Variants in CELF2 observed in about 807,000 individuals in gnomAD.
CELF2 encodes the protein CUG triplet repeat RNA-binding protein 2.
A neutral mutation model predicts 62.6 loss-of-function variants in CELF2; 8 were observed. That is an observed-to-expected ratio of 0.13 (90% CI 0.07 to 0.23). The LOEUF (loss-of-function observed/expected upper bound fraction) is 0.23. Among genes scored for constraint, CELF2 ranks in the 10% least tolerant of loss-of-function variants. The pLI is 1.00. For missense variants in CELF2, 333 were observed against 671.0 expected, an observed-to-expected ratio of 0.50 and a Z score of 5.56; for synonymous variants, 258 against 250.0, an observed-to-expected ratio of 1.03 and a Z score of -0.30.
the CELF2 span, among the ~76,000 whole-genome samples, chr10:10,655,609 C>T: frequency 5.0e-5 from 6 of 121,062 alleles, no homozygotes; most frequent in African/African-American, 1.8e-4. Flanking sequence ...CTGAGAAAAA[C>T]GAGCAATGGG....
the CELF2 span, among the ~76,000 whole-genome samples, chr10:10,661,421 C>T: frequency 6.6e-6 from 1 of 152,218 alleles, no homozygotes; most frequent in African/African-American, 2.4e-5. Flanking sequence ...CTGATAGACA[C>T]ATCTGCGTGG....
intron 1 of CELF2, among the ~76,000 whole-genome samples, chr10:11,028,180 A>G (rs1242522650): frequency 6.6e-6 from 1 of 152,196 alleles, no homozygotes; most frequent in Non-Finnish European, 1.5e-5. Flanking sequence ...GAGAAGTTCA[A>G]TGAAGTTCAT....
chr10:11,132,339 G>A (rs1347857918), intron 1 of CELF2, among the ~76,000 whole-genome samples: 4 of 152,062 alleles, frequency 2.6e-5, no homozygotes, highest in South Asian at 2.1e-4. Flanking sequence ...GTTTTTACAA[G>A]GTAGGTTGTC....
chr10:11,319,771 C>G lies in CELF2; in HGVS notation c.1097-1418C>G, dbSNP rs1489500316. The G allele has an allele frequency of 2.1e-6, 1 of 470,858 alleles. No individual in the cohort carries two copies. Among genetic ancestry groups the G allele is most frequent in the Non-Finnish European group, 4.4e-6 (1 of 227,002 alleles). The allele number at this position is 470,858 out of a possible 1,614,324, so 29.2% of individuals were successfully genotyped here. ...ACAATGACAGTCCTCCACTGTTAAG[C>G]TATAGCCTAATTCATATCTTACATG... On this transcript the variant is annotated intron_variant, in intron 10 of 12. Coordinates refer to ENST00000633077, the MANE Select transcript of CELF2 (RefSeq NM_001326342.2). The surrounding 1 kb of genome is among the most constrained non-coding windows in gnomAD (Gnocchi z 4.4).
intron 1 of CELF2, among the ~76,000 whole-genome samples, chr10:11,108,354 TTG>T (rs1491536414): frequency 2.6e-5 from 4 of 151,912 alleles, no homozygotes; most frequent in Non-Finnish European, 5.9e-5. Context: ...CACTGTTTTT[TTG>T]TTTGTTTTTT....
chr10:10,811,191 CA>C (rs2055847540), intron 1 of CELF2, among the ~76,000 whole-genome samples: 1 of 152,182 alleles, frequency 6.6e-6, no homozygotes, highest in Non-Finnish European at 1.5e-5. Flanking sequence ...TGAGTCACAG[CA>C]GCAGATAATG....
At chr10:10,873,745 T>A (rs2060907763) in intron 1 of CELF2, among the ~76,000 whole-genome samples, 1 of 152,224 alleles carries the variant, frequency 6.6e-6, no homozygotes. Context: ...TGCTCTGGAA[T>A]TTATTTTTCC....
chr10:10,530,073 G>A, the CELF2 span, among the ~76,000 whole-genome samples: 16 of 152,234 alleles, frequency 1.1e-4, no homozygotes, highest in Middle Eastern at 3.4e-3. Flanking sequence ...AAGGGGTTCC[G>A]ATCCAGACCC....
chr10:11,212,805 G>A (rs1176178603), intron 2 of CELF2, among the ~76,000 whole-genome samples: 1 of 142,900 alleles, frequency 7.0e-6, no homozygotes, highest in Non-Finnish European at 1.5e-5. Flanking sequence ...TGTTGAGGTC[G>A]CTGAAACAAG....
intron 1 of CELF2, 40 bp downstream of exon 1, chr10:11,018,203 C>T (rs774422063): frequency 2.0e-6 from 3 of 1,483,238 alleles, no homozygotes; most frequent in Middle Eastern, 1.8e-4. Context: ...GAGCGGGCGT[C>T]CTCCTCCCAG....
the CELF2 span, among the ~76,000 whole-genome samples, chr10:10,588,272 A>G: frequency 6.6e-6 from 1 of 152,164 alleles, no homozygotes; most frequent in East Asian, 1.9e-4. Context: ...GGAGAGAAAG[A>G]AACTCCTTCA....
intron 1 of CELF2, among the ~76,000 whole-genome samples, chr10:10,906,071 A>T (rs554632964): frequency 1.6e-4 from 24 of 151,952 alleles, no homozygotes; most frequent in African/African-American, 5.8e-4. Flanking sequence ...ATTCTGTCTC[A>T]ATAAAAATAA....
At chr10:10,698,276 A>G in the CELF2 span, among the ~76,000 whole-genome samples, 2 of 152,266 alleles carry the variant, frequency 1.3e-5, no homozygotes, top group South Asian at 4.1e-4. Context: ...GATTAATAGC[A>G]CTCAGATTGG....
the CELF2 span, among the ~76,000 whole-genome samples, chr10:10,532,713 T>C: frequency 6.6e-6 from 1 of 152,210 alleles, no homozygotes; most frequent in Admixed American, 6.5e-5. Context: ...CCAAATTTTG[T>C]ATCTCTTTTA....
chr10:11,251,925 C>T (rs770842435), intron 4 of CELF2, among the ~76,000 whole-genome samples: 1 of 152,194 alleles, frequency 6.6e-6, no homozygotes, highest in African/African-American at 2.4e-5. Flanking sequence ...CTGTTTATAC[C>T]GAAGCATAGC....
the CELF2 span, among the ~76,000 whole-genome samples, chr10:10,680,662 G>A: frequency 3.3e-5 from 5 of 152,198 alleles, no homozygotes; most frequent in Non-Finnish European, 4.4e-5. Flanking sequence ...CGTGGCCCAA[G>A]GCCTCTGACA....
chr10:10,596,181 C>G, the CELF2 span, among the ~76,000 whole-genome samples: 1 of 150,440 alleles, frequency 6.6e-6, no homozygotes, highest in Admixed American at 6.6e-5. Context: ...GTAGTGGGTA[C>G]TGAGATGAAG....
intron 2 of CELF2, among the ~76,000 whole-genome samples, chr10:11,196,188 A>G (rs2057427967): frequency 6.6e-6 from 1 of 152,244 alleles, no homozygotes; most frequent in South Asian, 2.1e-4. Flanking sequence ...CAGTCGTCCC[A>G]CAGTAACCCT....
the CELF2 span, among the ~76,000 whole-genome samples, chr10:10,737,377 C>T: frequency 6.6e-6 from 1 of 152,074 alleles, no homozygotes; most frequent in East Asian, 1.9e-4. Context: ...TATCTAGTAT[C>T]TCACAGAGAA....
Sources: gnomAD v4.1 joint callset for allele counts (sites outside exome capture counted in the v4.1 genomes callset) on GRCh38, gnomAD v4.1.1 for gene constraint, Gnocchi (gnomAD v3.1) non-coding constraint, MANE v1.5 for transcripts, NCBI Gene and HGNC (gene_info 2026-07-23, HGNC 2026-07-21) for gene names.